REEP1: variants seen among roughly 807,000 people sequenced by gnomAD.
The protein encoded by REEP1 is receptor expression-enhancing protein 1.
In REEP1, 22 loss-of-function variants were observed where a neutral mutation model predicts 40.3. That is an observed-to-expected ratio of 0.55 (90% CI 0.39 to 0.78). The LOEUF (loss-of-function observed/expected upper bound fraction) is 0.78, where lower values mean the gene tolerates loss of function less well. Ranked by LOEUF, REEP1 falls within the 30% of genes least tolerant of loss-of-function variation. The pLI is 0.00. For synonymous variants in REEP1, 116 were observed against 139.2 expected (o/e 0.83, Z 1.17); for missense variants, 280 against 361.1 (o/e 0.78, Z 1.82).
At chr2:86,291,333 A>T (rs1488076346) in intron 1 of REEP1, among the ~76,000 whole-genome samples, 1 of 152,154 alleles carries the variant, frequency 6.6e-6, no homozygotes, top group East Asian at 1.9e-4. Flanking sequence ...GTGACAGTAT[A>T]ATTTTAGGGT....
At chr2:86,300,888 C>T (rs537086627) in intron 1 of REEP1, among the ~76,000 whole-genome samples, 4 of 152,170 alleles carry the variant, frequency 2.6e-5, no homozygotes, top group South Asian at 2.1e-4. Context: ...TGGGGCTGGC[C>T]AAGTCCCCTC....
At chr2:86,264,798 C>G (rs896483784) in intron 2 of REEP1, among the ~76,000 whole-genome samples, 4 of 152,142 alleles carry the variant, frequency 2.6e-5, no homozygotes, top group African/African-American at 9.7e-5. Flanking sequence ...TTTGAAGGCC[C>G]TGGAGAGCAA....
intron 4 of REEP1, among the ~76,000 whole-genome samples, chr2:86,252,847 G>A (rs1034270025): frequency 6.6e-6 from 1 of 152,184 alleles, no homozygotes; most frequent in African/African-American, 2.4e-5. Context: ...CAAGGTAAAG[G>A]TGAGATGGAA....
At chr2:86,228,382 A>T (rs1268916774) in intron 6 of REEP1, among the ~76,000 whole-genome samples, 1 of 150,882 alleles carries the variant, frequency 6.6e-6, no homozygotes, top group Non-Finnish European at 1.5e-5. Context: ...TTTTCTCAAG[A>T]TGCAGGAGGT....
intron 8 of REEP1, 145 bp downstream of exon 8, chr2:86,219,825 G>T: frequency 1.9e-6 from 1 of 514,280 alleles, no homozygotes; most frequent in Non-Finnish European, 3.0e-6. Context: ...GACTGGTTCT[G>T]CTTGTTTGAT....
intron 1 of REEP1, among the ~76,000 whole-genome samples, chr2:86,301,856 A>G (rs1044600258): frequency 6.6e-6 from 1 of 152,230 alleles, no homozygotes; most frequent in African/African-American, 2.4e-5. Flanking sequence ...AGGCAGGTCC[A>G]ATTCCCTGTA....
intron 2 of REEP1, among the ~76,000 whole-genome samples, chr2:86,276,916 A>G (rs905285124): frequency 1.3e-5 from 2 of 152,222 alleles, no homozygotes; most frequent in Non-Finnish European, 2.9e-5. Flanking sequence ...TTAAAGTTTG[A>G]GAATCACTGC....
At chr2:86,296,570 T>C (rs1678993298) in intron 1 of REEP1, among the ~76,000 whole-genome samples, 1 of 152,200 alleles carries the variant, frequency 6.6e-6, no homozygotes, top group Non-Finnish European at 1.5e-5. Context: ...AATTGGATTG[T>C]CTAAGGCCGG....
intron 6 of REEP1, among the ~76,000 whole-genome samples, chr2:86,228,496 T>C (rs1674842532): frequency 6.6e-6 from 1 of 152,002 alleles, no homozygotes; most frequent in Non-Finnish European, 1.5e-5. Flanking sequence ...TTCACTCTTG[T>C]TGCCCAGGCT....
At chr2:86,312,058 C>A (rs1285889859) in intron 1 of REEP1, among the ~76,000 whole-genome samples, 1 of 152,186 alleles carries the variant, frequency 6.6e-6, no homozygotes, top group Non-Finnish European at 1.5e-5. Context: ...CGCCAAGACT[C>A]GGGTTCAGCC....
chr2:86,278,773 A>G (rs1325160731), intron 2 of REEP1, among the ~76,000 whole-genome samples: 1 of 152,126 alleles, frequency 6.6e-6, no homozygotes, highest in Non-Finnish European at 1.5e-5. Context: ...CTAATCACAC[A>G]CTTTCCTATG....
intron 1 of REEP1, among the ~76,000 whole-genome samples, chr2:86,307,160 C>T (rs1052094880): frequency 1.3e-5 from 2 of 150,956 alleles, no homozygotes; most frequent in Middle Eastern, 3.4e-3. Flanking sequence ...GCCGAGATCA[C>T]GCCATTGTAC....
intron 5 of REEP1, among the ~76,000 whole-genome samples, chr2:86,245,828 T>G (rs984816684): frequency 3.3e-5 from 5 of 151,132 alleles, no homozygotes; most frequent in South Asian, 2.1e-4. Flanking sequence ...GCAGTGGTGC[T>G]ATCTTGGCTC....
At chr2:86,318,264 C>T (rs1680116849) in intron 1 of REEP1, among the ~76,000 whole-genome samples, 1 of 152,084 alleles carries the variant, frequency 6.6e-6, no homozygotes, top group Admixed American at 6.5e-5. Flanking sequence ...ACAGACCAAC[C>T]ACCACTAATA....
intron 1 of REEP1, among the ~76,000 whole-genome samples, chr2:86,326,759 A>C (rs1680530390): frequency 6.6e-6 from 1 of 152,166 alleles, no homozygotes; most frequent in Non-Finnish European, 1.5e-5. Flanking sequence ...AGGGTTGGAC[A>C]GTTTTAGGGT....
intron 1 of REEP1, among the ~76,000 whole-genome samples, chr2:86,313,680 T>C (rs1238411723): frequency 2.0e-5 from 3 of 152,202 alleles, no homozygotes; most frequent in Admixed American, 6.5e-5. Context: ...CCTCCCCAGT[T>C]TGCTTTGAAA....
chr2:86,274,946 C>T (rs919449585), intron 2 of REEP1, among the ~76,000 whole-genome samples: 1 of 152,122 alleles, frequency 6.6e-6, no homozygotes, highest in African/African-American at 2.4e-5. Context: ...CATTCTACCC[C>T]ACTGCCAGAG....
intron 5 of REEP1, among the ~76,000 whole-genome samples, chr2:86,245,011 G>A (rs565725598): frequency 6.6e-5 from 10 of 152,164 alleles, no homozygotes; most frequent in African/African-American, 1.9e-4. Context: ...CCAGGCGTGG[G>A]GGCAGGCACC....
At chr2:86,241,207 G>A (rs1041665006) in intron 5 of REEP1, among the ~76,000 whole-genome samples, 7 of 152,236 alleles carry the variant, frequency 4.6e-5, no homozygotes, top group Admixed American at 1.3e-4. Flanking sequence ...CTCCTTCAGA[G>A]GCAAAGGCCC....
Sources: gnomAD v4.1 joint callset for allele counts (sites outside exome capture counted in the v4.1 genomes callset) on GRCh38, gnomAD v4.1.1 for gene constraint, MANE v1.5 for transcripts, NCBI Gene and HGNC (gene_info 2026-07-23, HGNC 2026-07-21) for gene names.